The following ARHGAP24 variants were observed in gnomAD, a reference collection of about 807,000 sequenced individuals.
The protein encoded by ARHGAP24 is Rho GTPase activating protein 24.
Under a neutral mutation model 76.4 loss-of-function variants are expected in ARHGAP24, and 50 were observed. The ratio of observed to expected loss-of-function variants is 0.65; its 90% CI spans 0.52 to 0.83. The LOEUF is 0.83. Among genes scored for constraint, ARHGAP24 ranks in the 40% least tolerant of loss-of-function variants. The probability of loss-of-function intolerance (pLI) is 0.00; values close to 1 mark genes in which losing one functional copy is unlikely to be tolerated. For missense variants in ARHGAP24, 930 were observed against 914.2 expected (o/e 1.02, Z -0.22); for synonymous variants, 345 against 323.3 (o/e 1.07, Z -0.72).
chr4:85,969,516 A>G (rs2148849157), intron 5 of ARHGAP24, among the ~76,000 whole-genome samples: 1 of 152,068 alleles, frequency 6.6e-6, no homozygotes, highest in African/African-American at 2.4e-5. Flanking sequence ...TGTACTACCT[A>G]TGGCTAATTG....
chr4:85,541,181 T>C (rs1218515902), intron 1 of ARHGAP24, among the ~76,000 whole-genome samples: 1 of 98,148 alleles, frequency 1.0e-5, no homozygotes, highest in Non-Finnish European at 1.7e-5. Flanking sequence ...TGAGACGGAG[T>C]CTCGCTCTGT....
At chr4:85,820,423 G>A (rs1023014468) in intron 3 of ARHGAP24, among the ~76,000 whole-genome samples, 17 of 152,086 alleles carry the variant, frequency 1.1e-4, no homozygotes, top group Middle Eastern at 3.2e-3. Flanking sequence ...TTATAAGTGA[G>A]AGCTAAACAC....
chr4:85,552,992 T>G (rs1018315660), intron 1 of ARHGAP24, among the ~76,000 whole-genome samples: 1 of 152,028 alleles, frequency 6.6e-6, no homozygotes, highest in African/African-American at 2.4e-5. Flanking sequence ...AGTGTTACAG[T>G]TCATAAAGGT....
chr4:85,779,687 A>G (rs561574333), intron 3 of ARHGAP24, among the ~76,000 whole-genome samples: 7 of 152,286 alleles, frequency 4.6e-5, no homozygotes, highest in African/African-American at 1.7e-4. Context: ...GAAATTTTCA[A>G]AAAGATTTCA....
intron 1 of ARHGAP24, among the ~76,000 whole-genome samples, chr4:85,502,239 GTTT>G (rs1358348427): frequency 6.6e-6 from 1 of 152,114 alleles, no homozygotes; most frequent in African/African-American, 2.4e-5. Context: ...CTTTAATGTA[GTTT>G]TTTCCAATTC....
At chr4:85,952,400 T>C (rs1737664748) in intron 5 of ARHGAP24, among the ~76,000 whole-genome samples, 1 of 152,212 alleles carries the variant, frequency 6.6e-6, no homozygotes, top group Admixed American at 6.5e-5. Flanking sequence ...TGTCCTCAGC[T>C]GAAGAGCATG....
chr4:85,712,062 A>C (rs572475452), intron 2 of ARHGAP24, among the ~76,000 whole-genome samples: 12 of 152,270 alleles, frequency 7.9e-5, no homozygotes, highest in Admixed American at 6.5e-4. Flanking sequence ...TGCTTCAGAC[A>C]TGTGTCATTT....
chr4:85,603,193 T>C (rs1426823814), intron 2 of ARHGAP24, among the ~76,000 whole-genome samples: 1 of 152,206 alleles, frequency 6.6e-6, no homozygotes, highest in Non-Finnish European at 1.5e-5. Context: ...CTCTATTAAT[T>C]TGGGGGATAA....
chr4:85,744,296 A>G (rs1010375410), intron 3 of ARHGAP24, among the ~76,000 whole-genome samples: 9 of 152,212 alleles, frequency 5.9e-5, no homozygotes, highest in Non-Finnish European at 8.8e-5. Context: ...AGAGGCAAGG[A>G]GTCTGGCTTA....
intron 5 of ARHGAP24, among the ~76,000 whole-genome samples, chr4:85,970,940 A>G (rs2148850273): frequency 1.3e-5 from 2 of 152,348 alleles, no homozygotes; most frequent in Middle Eastern, 6.8e-3. Context: ...TTAACAGGAA[A>G]TATAAGATAC....
chr4:85,800,527 G>A (rs773698923), intron 3 of ARHGAP24, among the ~76,000 whole-genome samples: 22 of 151,662 alleles, frequency 1.5e-4, no homozygotes, highest in African/African-American at 3.2e-4. Flanking sequence ...AGGAAGAAGA[G>A]GAGAGAGGGG....
intron 1 of ARHGAP24, among the ~76,000 whole-genome samples, chr4:85,514,885 C>A (rs992072531): frequency 7.0e-6 from 1 of 143,334 alleles, no homozygotes; most frequent in Non-Finnish European, 1.5e-5. Context: ...CAAGAGCAGA[C>A]CCTGAGACAA....
intron 3 of ARHGAP24, among the ~76,000 whole-genome samples, chr4:85,840,251 A>G (rs1730528510): frequency 6.6e-6 from 1 of 152,196 alleles, no homozygotes; most frequent in Non-Finnish European, 1.5e-5. Flanking sequence ...ATGTGATAGA[A>G]TAAGCTTAAG....
At chr4:85,664,017 G>A (rs1722510134) in intron 2 of ARHGAP24, among the ~76,000 whole-genome samples, 1 of 151,334 alleles carries the variant, frequency 6.6e-6, no homozygotes, top group Non-Finnish European at 1.5e-5. Context: ...TTGGTATCAG[G>A]ATGATGCTGG....
At chr4:85,649,671 A>G (rs1001872710) in intron 2 of ARHGAP24, among the ~76,000 whole-genome samples, 11 of 152,142 alleles carry the variant, frequency 7.2e-5, no homozygotes, top group Non-Finnish European at 1.2e-4. Context: ...TTGTCTTCTA[A>G]CTGTGAAACT....
At chr4:85,782,685 T>C (rs1461030918) in intron 3 of ARHGAP24, among the ~76,000 whole-genome samples, 2 of 152,182 alleles carry the variant, frequency 1.3e-5, no homozygotes, top group Non-Finnish European at 2.9e-5. Flanking sequence ...CTTTGTTCTT[T>C]GAAAAATCCA....
At chr4:85,576,305 C>T (rs2109967806) in intron 2 of ARHGAP24, among the ~76,000 whole-genome samples, 1 of 152,248 alleles carries the variant, frequency 6.6e-6, no homozygotes, top group South Asian at 2.1e-4. Context: ...TGGCGGGCGC[C>T]TGTAGTACCA....
intron 2 of ARHGAP24, among the ~76,000 whole-genome samples, chr4:85,648,203 G>C (rs947521437): frequency 2.6e-5 from 4 of 152,014 alleles, no homozygotes; most frequent in Admixed American, 2.6e-4. Flanking sequence ...AGATCGGAGG[G>C]GGAGCTAGGT....
chr4:85,832,347 G>A (rs1411821047), intron 3 of ARHGAP24, among the ~76,000 whole-genome samples: 1 of 152,144 alleles, frequency 6.6e-6, no homozygotes, highest in Non-Finnish European at 1.5e-5. Context: ...GTTGAGGTAT[G>A]GGCTCTGGAT....
Sources: gnomAD v4.1 joint callset for allele counts (sites outside exome capture counted in the v4.1 genomes callset) on GRCh38, gnomAD v4.1.1 for gene constraint, MANE v1.5 for transcripts, NCBI Gene and HGNC (gene_info 2026-07-23, HGNC 2026-07-21) for gene names.